SPIDR: variants seen among roughly 807,000 people sequenced by gnomAD.
SPIDR encodes the protein DNA repair-scaffolding protein.
SPIDR carries 93 observed loss-of-function variants against 104.6 expected under a neutral mutation model. That is an observed-to-expected ratio of 0.89 (90% CI 0.75 to 1.06). The LOEUF is 1.06. Among genes scored for constraint, SPIDR ranks in the 50% least tolerant of loss-of-function variants. The probability of loss-of-function intolerance (pLI) is 0.00; values close to 1 mark genes in which losing one functional copy is unlikely to be tolerated. For synonymous variants in SPIDR, 431 were observed against 416.9 expected (o/e 1.03, Z -0.41); for missense variants, 1,154 against 1,111.2 (o/e 1.04, Z -0.55).
intron 8 of SPIDR, among the ~76,000 whole-genome samples, chr8:47,545,153 C>T (rs2089123942): frequency 7.2e-6 from 1 of 138,478 alleles, no homozygotes; most frequent in South Asian, 2.3e-4. Flanking sequence ...CGGAGTCTCA[C>T]TGTCTCGCCC....
chr8:47,602,642 G>A (rs898422527), intron 10 of SPIDR, among the ~76,000 whole-genome samples: 1 of 152,288 alleles, frequency 6.6e-6, no homozygotes, highest in South Asian at 2.1e-4. Context: ...TTGATCGTAG[G>A]TGTCAATCTC....
chr8:47,322,743 G>A (rs1586946455), intron 5 of SPIDR, among the ~76,000 whole-genome samples: 1 of 152,256 alleles, frequency 6.6e-6, no homozygotes, highest in South Asian at 2.1e-4. Context: ...ATACACCATG[G>A]AATACTATGC....
intron 10 of SPIDR, among the ~76,000 whole-genome samples, chr8:47,664,087 A>T (rs2074527681): frequency 6.6e-6 from 1 of 152,186 alleles, no homozygotes; most frequent in Non-Finnish European, 1.5e-5. Flanking sequence ...CTAGAGACTA[A>T]CCTGGGGCTC....
chr8:47,572,499 T>G (rs1008343567), intron 8 of SPIDR, among the ~76,000 whole-genome samples: 14 of 151,962 alleles, frequency 9.2e-5, no homozygotes, highest in African/African-American at 2.9e-4. Flanking sequence ...CCATCTCTAC[T>G]AAAAATACAA....
At chr8:47,323,915 A>G (rs1554598575) in intron 5 of SPIDR, among the ~76,000 whole-genome samples, 1 of 152,166 alleles carries the variant, frequency 6.6e-6, no homozygotes, top group Non-Finnish European at 1.5e-5. Context: ...CTATTAGTTA[A>G]ACATTTATAA....
chr8:47,383,434 A>G (rs1283655274), intron 5 of SPIDR, among the ~76,000 whole-genome samples: 3 of 152,214 alleles, frequency 2.0e-5, no homozygotes, highest in Admixed American at 6.5e-5. Flanking sequence ...TGGGCCGGAA[A>G]TGAATCAGCA....
chr8:47,275,548 A>T (rs2154217703), intron 1 of SPIDR, among the ~76,000 whole-genome samples: 1 of 152,230 alleles, frequency 6.6e-6, no homozygotes, highest in East Asian at 1.9e-4. Flanking sequence ...GGCGTTGCAT[A>T]TATTTTTTAG....
chr8:47,693,848 C>A (rs1426429030), intron 11 of SPIDR, among the ~76,000 whole-genome samples: 3 of 152,210 alleles, frequency 2.0e-5, no homozygotes, highest in African/African-American at 7.2e-5. Context: ...GACTGCTCGG[C>A]CTTTGCTGTT....
chr8:47,735,619 GTA>G lies in SPIDR; in HGVS notation c.*170_*171del. On this transcript the variant is annotated 3_prime_UTR_variant, in exon 20 of 20. Coordinates refer to ENST00000297423, the MANE Select transcript of SPIDR (RefSeq NM_001080394.4). ...ATGTTCAGATACAGTTTTGTGAACTGTAAATCAAAATACCTTTTTCTACAGTT... is the reference window on the plus strand; with the variant it reads ...ATGTTCAGATACAGTTTTGTGAACTGAATCAAAATACCTTTTTCTACAGTT... 7.5e-7 allele frequency: 1 copy of G among 1,332,252 alleles called. No homozygotes were observed. The highest frequency in any genetic ancestry group is 1.0e-6 in the Non-Finnish European group (1 of 996,418). The allele number at this position is 1,332,252 out of a possible 1,614,324, so 82.5% of individuals were successfully genotyped here. A position where few individuals can be genotyped will look rare whatever the true frequency, so the allele number is the denominator to read the frequency against.
chr8:47,673,677 C>A, intron 10 of SPIDR, 124 bp from the exon 11 acceptor site: 11 of 1,268,272 alleles, frequency 8.7e-6, no homozygotes, highest in East Asian at 5.0e-5. Flanking sequence ...TCTTTACTTT[C>A]TTTAAATTAT....
Position 47,702,068 on chromosome 8 carries a change from C to G in SPIDR, c.1977+53C>G, listed in dbSNP as rs941927270. Reference sequence around the variant, plus strand: ...TCTCAGCCTTTCTCTCTCTCTCTCTCTCTCTCTCTCTCTCTCTCTCTCTCT... The same window carrying G: ...TCTCAGCCTTTCTCTCTCTCTCTCTGTCTCTCTCTCTCTCTCTCTCTCTCT... On this transcript the variant is annotated intron_variant, in intron 14 of 19. Transcript: ENST00000297423. 1.1e-5 allele frequency: 6 copies of G among 543,266 alleles called. No homozygotes were observed. In the Admixed American group the frequency reaches 1.8e-4, roughly 16 times the overall value. 33.7% of individuals were successfully genotyped at this position (543,266 alleles called of 1,614,324 possible). A position where few individuals can be genotyped will look rare whatever the true frequency, so the allele number is the denominator to read the frequency against.
intron 10 of SPIDR, among the ~76,000 whole-genome samples, chr8:47,649,578 T>C (rs1042979402): frequency 3.3e-5 from 5 of 152,066 alleles, no homozygotes; most frequent in African/African-American, 1.2e-4. Flanking sequence ...GAAGATTAGG[T>C]GGAGGGAAGA....
At chr8:47,313,004 A>G (rs587726812) in intron 5 of SPIDR, among the ~76,000 whole-genome samples, 2 of 152,284 alleles carry the variant, frequency 1.3e-5, no homozygotes, top group East Asian at 1.9e-4. Context: ...CTGGCACAAG[A>G]CAGGGATGCC....
In SPIDR at chr8:47,735,559, C is replaced by A; in HGVS notation, c.*109C>A. 6.4e-7 allele frequency: 1 copy of A among 1,560,464 alleles called. No individual in the cohort carries two copies. Among genetic ancestry groups the A allele is most frequent in the Non-Finnish European group, 8.7e-7 (1 of 1,150,096 alleles). On this transcript the variant is annotated 3_prime_UTR_variant, in exon 20 of 20. Transcript: ENST00000297423. ...CTATGGACACAGTGAACGTAGTTTA[C>A]GATCTTGAAATGAAACTTAGATTTT...
chr8:47,342,326 G>GTTT (rs1468953283), intron 5 of SPIDR, among the ~76,000 whole-genome samples: 1 of 120,930 alleles, frequency 8.3e-6, no homozygotes, highest in Admixed American at 8.0e-5. Context: ...ACTTTCAAAG[G>GTTT]TCTTTTTTTT....
chr8:47,715,295 G>C (rs551627225), intron 16 of SPIDR, among the ~76,000 whole-genome samples: 12 of 152,170 alleles, frequency 7.9e-5, no homozygotes, highest in African/African-American at 2.9e-4. Context: ...TCCTGCCTCA[G>C]CCTCCCAAGT....
At chr8:47,459,538 A>C (rs1368738592) in intron 8 of SPIDR, among the ~76,000 whole-genome samples, 3 of 152,010 alleles carry the variant, frequency 2.0e-5, no homozygotes, top group Non-Finnish European at 4.4e-5. Flanking sequence ...TTTCTTGGTT[A>C]ATCTTGCTAA....
intron 10 of SPIDR, among the ~76,000 whole-genome samples, chr8:47,636,197 G>T (rs1304001903): frequency 2.0e-5 from 3 of 152,138 alleles, no homozygotes; most frequent in Non-Finnish European, 2.9e-5. Flanking sequence ...TGTGATCAGT[G>T]ATCTTTTATG....
chr8:47,558,441 C>G (rs2091580955), intron 8 of SPIDR, among the ~76,000 whole-genome samples: 1 of 152,010 alleles, frequency 6.6e-6, no homozygotes, highest in African/African-American at 2.4e-5. Context: ...ATATTTATAT[C>G]ATATAAATAT....
Sources: gnomAD v4.1 joint callset for allele counts (sites outside exome capture counted in the v4.1 genomes callset) on GRCh38, gnomAD v4.1.1 for gene constraint, MANE v1.5 for transcripts, NCBI Gene and HGNC (gene_info 2026-07-23, HGNC 2026-07-21) for gene names.